ATAD2B: variants seen among roughly 807,000 people sequenced by gnomAD.
ATAD2B encodes the protein ATPase family AAA domain containing 2B, also known as ATPase family AAA domain-containing protein 2B.
In ATAD2B, 40 loss-of-function variants were observed where a neutral mutation model predicts 167.6. The observed-to-expected ratio is 0.24, with a 90% CI of 0.19 to 0.31. ATAD2B has a LOEUF of 0.31. Among genes scored for constraint, ATAD2B ranks in the 10% least tolerant of loss-of-function variants. The pLI, the probability that ATAD2B is intolerant of heterozygous loss-of-function variation, is 1.00. For synonymous variants in ATAD2B, 579 were observed against 596.5 expected (o/e 0.97, Z 0.43); for missense variants, 1,242 against 1,757.2 (o/e 0.71, Z 5.24).
Position 23,867,850 on chromosome 2 carries a change from C to A in ATAD2B, c.1173G>T (p.Met391Ile), listed in dbSNP as rs964940048. 2.5e-6 allele frequency: 4 copies of A among 1,607,456 alleles called. No homozygotes were observed. The highest frequency in any genetic ancestry group is 2.6e-6 in the Non-Finnish European group (3 of 1,175,800). The change falls in exon 10 of 28, where the codon ATG (methionine) becomes ATT (isoleucine). Residue 391 changes from methionine (M) to isoleucine (I), a missense_variant. Physicochemically the swap from Met to Ile is conservative, Grantham distance 10. Transcript: ENST00000238789. Reference protein sequence around the residue: ...VGASLADVDPMNIDKSVRFDS... With the variant: ...VGASLADVDPINIDKSVRFDS... Reference sequence around the variant, plus strand: ...CAAAACTTACTGATTTATCAATGTTCATTGGATCAACATCAGCCAAGCTTG... The same window carrying A: ...CAAAACTTACTGATTTATCAATGTTAATTGGATCAACATCAGCCAAGCTTG...
At chr2:23,693,525 A>C in the ATAD2B span, 1 of 1,549,500 alleles carries the variant, frequency 6.5e-7, no homozygotes, top group Non-Finnish European at 8.7e-7. Context: ...CGACACGCAC[A>C]CAGGTGGGGC....
the ATAD2B span, among the ~76,000 whole-genome samples, chr2:23,713,164 C>T: frequency 6.6e-6 from 1 of 152,250 alleles, no homozygotes; most frequent in Non-Finnish European, 1.5e-5. Flanking sequence ...GTACAGAATT[C>T]CTTCATTCTC....
intron 13 of ATAD2B, among the ~76,000 whole-genome samples, chr2:23,843,127 A>G (rs1224059257): frequency 1.3e-5 from 2 of 152,236 alleles, no homozygotes; most frequent in Non-Finnish European, 2.9e-5. Flanking sequence ...ACATGCTTAA[A>G]TGCATGAAAA....
At chr2:23,801,900 G>C (rs1683564276) in intron 18 of ATAD2B, among the ~76,000 whole-genome samples, 1 of 151,988 alleles carries the variant, frequency 6.6e-6, no homozygotes, top group Admixed American at 6.6e-5. Flanking sequence ...TTTTAGCCAT[G>C]AAATTAAAAT....
chr2:23,844,432 G>A (rs1691412676), intron 13 of ATAD2B, among the ~76,000 whole-genome samples: 1 of 151,852 alleles, frequency 6.6e-6, no homozygotes, highest in Non-Finnish European at 1.5e-5. Flanking sequence ...CAATGAAACA[G>A]GAAAACACAA....
intron 18 of ATAD2B, 68 bp downstream of exon 18, chr2:23,810,248 C>T (rs1685346784): frequency 2.2e-6 from 3 of 1,383,390 alleles, no homozygotes; most frequent in Non-Finnish European, 3.0e-6. Context: ...TAACACTACA[C>T]ACTAGAAATA....
At chr2:23,841,083 C>T (rs1320608208) in intron 13 of ATAD2B, among the ~76,000 whole-genome samples, 1 of 150,424 alleles carries the variant, frequency 6.6e-6, no homozygotes, top group Non-Finnish European at 1.5e-5. Flanking sequence ...CAGGCATGCA[C>T]TATCATGCAT....
At chr2:23,851,442 T>G (rs1692552462) in intron 13 of ATAD2B, among the ~76,000 whole-genome samples, 2 of 152,188 alleles carry the variant, frequency 1.3e-5, no homozygotes, top group Non-Finnish European at 1.5e-5. Context: ...TGCCCAGTCA[T>G]GAATAGTCTA....
At position 23,788,803 on chromosome 2, in the gene ATAD2B, G is replaced by GT. The variant is rs200462729; in HGVS notation, c.2641-157dup. Reference sequence around the variant, plus strand: ...AGTTAACCTAGTCCTAGGCTATGCTGTTGAAGGGTTCAACCGCATGGGCTA... The same window carrying GT: ...AGTTAACCTAGTCCTAGGCTATGCTGTTTGAAGGGTTCAACCGCATGGGCTA... On this transcript the variant is annotated intron_variant, in intron 19 of 27. Transcript: ENST00000238789. 5.7e-3 allele frequency among the ~76,000 whole-genome samples: 864 copies of GT among 152,110 alleles called. 5 individuals are homozygous for GT. The highest frequency in any genetic ancestry group is 0.017 in the African/African-American group (706 of 41,490).
At chr2:23,885,481 A>G (rs1002208487) in intron 5 of ATAD2B, among the ~76,000 whole-genome samples, 2 of 152,240 alleles carry the variant, frequency 1.3e-5, no homozygotes, top group Non-Finnish European at 2.9e-5. Flanking sequence ...GAAGAATAAC[A>G]GAATCACAGT....
the ATAD2B span, among the ~76,000 whole-genome samples, chr2:23,727,038 A>G: frequency 6.6e-6 from 1 of 152,236 alleles, no homozygotes; most frequent in Admixed American, 6.5e-5. Flanking sequence ...GTTAGATTAG[A>G]TTTTTAAAAA....
chr2:23,696,038 C>T, the ATAD2B span: 9 of 1,551,748 alleles, frequency 5.8e-6, no homozygotes, highest in Admixed American at 3.9e-5. The surrounding 1 kb of genome is among the most constrained non-coding windows in gnomAD (Gnocchi z 5.5). Context: ...TGCTGGAACC[C>T]GCAGAACAAC....
chr2:23,822,941 A>AG (rs59197435), intron 16 of ATAD2B, among the ~76,000 whole-genome samples: 166 of 144,894 alleles, frequency 1.1e-3, no homozygotes, highest in South Asian at 3.0e-3. Flanking sequence ...AAAAAAAAAA[A>AG]GGATTAGTAA....
At chr2:23,888,103 T>C in intron 3 of ATAD2B, 118 bp from the exon 4 acceptor site, 1 of 847,846 alleles carries the variant, frequency 1.2e-6, no homozygotes, top group South Asian at 2.8e-5. Flanking sequence ...ACTTTTTAAA[T>C]GGCTTTAATA....
intron 17 of ATAD2B, among the ~76,000 whole-genome samples, chr2:23,818,816 C>T (rs897186288): frequency 6.6e-6 from 1 of 152,084 alleles, no homozygotes; most frequent in African/African-American, 2.4e-5. Flanking sequence ...ACTATTTGGC[C>T]TCTTAATTTA....
chr2:23,721,365 C>A, the ATAD2B span, among the ~76,000 whole-genome samples: 14 of 152,296 alleles, frequency 9.2e-5, no homozygotes, highest in African/African-American at 2.9e-4. Flanking sequence ...AGCTATGTGC[C>A]CATACCCGGG....
At chr2:23,728,731 G>T in the ATAD2B span, among the ~76,000 whole-genome samples, 2 of 152,072 alleles carry the variant, frequency 1.3e-5, no homozygotes, top group Non-Finnish European at 2.9e-5. Context: ...GGTGATATGG[G>T]TTAATTCTTA....
In ATAD2B at chr2:23,752,002, G is replaced by T; in HGVS notation, c.*44C>A. 6.9e-7 allele frequency: 1 copy of T among 1,439,678 alleles called. No homozygotes were observed. The highest frequency in any genetic ancestry group is 9.6e-7 in the Non-Finnish European group (1 of 1,043,928). 89.2% of individuals were successfully genotyped at this position (1,439,678 alleles called of 1,614,324 possible). On this transcript the variant is annotated 3_prime_UTR_variant, in exon 28 of 28. Coordinates refer to ENST00000238789, the MANE Select transcript of ATAD2B (RefSeq NM_017552.4). The stretch of plus-strand genomic sequence containing the variant: ...ATTGAATGGCTCAGAAGACTGCTCT[G>T]TGAGGAGCAGATTGGAGAGGATAAA...
chr2:23,910,374 C>T (rs1423269046), intron 1 of ATAD2B, among the ~76,000 whole-genome samples: 1 of 150,716 alleles, frequency 6.6e-6, no homozygotes, highest in East Asian at 2.0e-4. Flanking sequence ...GACGGGGTTT[C>T]TCCATGTTGG....
Sources: allele counts gnomAD v4.1 joint callset (sites outside exome capture counted in the v4.1 genomes callset), GRCh38; gene constraint gnomAD v4.1.1; non-coding constraint Gnocchi (gnomAD v3.1); transcripts MANE v1.5; gene names NCBI Gene and HGNC (gene_info 2026-07-23, HGNC 2026-07-21).